The following CASD1 variants were observed in gnomAD, a reference collection of about 807,000 sequenced individuals.
The protein encoded by CASD1 is N-acetylneuraminate (7)9-O-acetyltransferase.
A neutral mutation model predicts 100.0 loss-of-function variants in CASD1; 41 were observed. The ratio of observed to expected loss-of-function variants is 0.41; its 90% CI spans 0.32 to 0.53. The LOEUF (loss-of-function observed/expected upper bound fraction) is 0.53. Ranked by LOEUF, CASD1 falls within the 20% of genes least tolerant of loss-of-function variation. The pLI is 0.25. For synonymous variants in CASD1, 321 were observed against 315.6 expected, an observed-to-expected ratio of 1.02 and a Z score of -0.18; for missense variants, 774 against 948.7, an observed-to-expected ratio of 0.82 and a Z score of 2.42.
the CASD1 span, among the ~76,000 whole-genome samples, chr7:94,607,235 A>T: frequency 3.3e-5 from 5 of 152,206 alleles, 1 homozygote; most frequent in South Asian, 6.2e-4. Context: ...GGGAGAAATT[A>T]TGCCAACTCT....
At chr7:94,539,324 A>T (rs1380812951) in intron 10 of CASD1, among the ~76,000 whole-genome samples, 1 of 152,192 alleles carries the variant, frequency 6.6e-6, no homozygotes. Context: ...CTGATATCTA[A>T]GGGTATTATT....
At chr7:94,607,029 A>G in the CASD1 span, among the ~76,000 whole-genome samples, 7 of 151,712 alleles carry the variant, frequency 4.6e-5, no homozygotes, top group East Asian at 1.9e-4. Context: ...TCTAAAATCA[A>G]TAATTGAAAC....
At chr7:94,569,778 A>G in the CASD1 span, among the ~76,000 whole-genome samples, 12 of 149,842 alleles carry the variant, frequency 8.0e-5, no homozygotes, top group Admixed American at 7.3e-4. Flanking sequence ...ATATCGTTGT[A>G]TCATTAAAAA....
chr7:94,512,693 C>T (rs752826447), intron 1 of CASD1, among the ~76,000 whole-genome samples: 8 of 152,202 alleles, frequency 5.3e-5, no homozygotes, highest in Non-Finnish European at 7.3e-5. Context: ...TCACTCCTCT[C>T]CACTATTTTT....
intron 1 of CASD1, among the ~76,000 whole-genome samples, chr7:94,510,911 G>A (rs1178370917): frequency 6.6e-6 from 1 of 152,260 alleles, no homozygotes; most frequent in South Asian, 2.1e-4. Flanking sequence ...TTTTTGGAAG[G>A]AAGTTGTGGG....
chr7:94,583,594 A>G, the CASD1 span, among the ~76,000 whole-genome samples: 1 of 152,226 alleles, frequency 6.6e-6, no homozygotes, highest in Non-Finnish European at 1.5e-5. Context: ...TGTCATGTGT[A>G]TGGGTAAATA....
rs751286091 is a variant in CASD1 at position 94,537,658 on chromosome 7, T to C, written c.1030T>C (p.Cys344Arg). Residue 344 changes from cysteine (C) to arginine (R), a missense_variant, in exon 9 of 18, where the codon TGT (cysteine) becomes CGT (arginine). Cys to Arg is a radical substitution (Grantham distance 180). Around this residue, in one of 5 missense-constraint regions of CASD1, gnomAD observed 453 missense variants for 532.6 expected, o/e 0.85. Transcript: ENST00000297273. Reference sequence around the variant, plus strand: ...TAATGCTCATCGGAAGAATAAGCCGTGTACTGATTTGGAAAGTGGAGAGGA... The same window carrying C: ...TAATGCTCATCGGAAGAATAAGCCGCGTACTGATTTGGAAAGTGGAGAGGA... ...HRNAHRKNKP[C>R]TDLESGEEKK... is the part of the protein sequence containing the mutation. 15 of 1,613,878 alleles carry C rather than the reference T, an allele frequency of 9.3e-6. No homozygotes were observed. The highest frequency in any genetic ancestry group is 1.3e-5 in the Non-Finnish European group (15 of 1,179,844).
chr7:94,598,524 A>G, the CASD1 span: 1 of 458,356 alleles, frequency 2.2e-6, no homozygotes, highest in South Asian at 2.6e-5. Flanking sequence ...GTTTAATATC[A>G]GTGTCAATTT....
chr7:94,588,576 G>C, the CASD1 span: 1 of 1,541,720 alleles, frequency 6.5e-7, no homozygotes, highest in Admixed American at 1.8e-5. Flanking sequence ...AATGACACAA[G>C]TGTTTTGCCT....
At chr7:94,572,391 G>A in the CASD1 span, among the ~76,000 whole-genome samples, 1 of 152,064 alleles carries the variant, frequency 6.6e-6, no homozygotes, top group Non-Finnish European at 1.5e-5. Flanking sequence ...CATATAGTTG[G>A]ATTATGTTTT....
At chr7:94,590,654 C>T in the CASD1 span, 2 of 152,070 alleles carry the variant, frequency 1.3e-5, no homozygotes, top group African/African-American at 4.8e-5. Flanking sequence ...CACTGGGATT[C>T]CTCTTAATTG....
At chr7:94,517,242 A>T (rs77237806) in intron 1 of CASD1, among the ~76,000 whole-genome samples, 1 of 152,138 alleles carries the variant, frequency 6.6e-6, no homozygotes, top group East Asian at 1.9e-4. Flanking sequence ...AGTAGGGGAG[A>T]TATTCAGATG....
the CASD1 span, among the ~76,000 whole-genome samples, chr7:94,582,756 G>A: frequency 7.9e-5 from 12 of 152,218 alleles, no homozygotes; most frequent in African/African-American, 2.9e-4. Context: ...TTCCCTTATA[G>A]CATTTATCAC....
chr7:94,623,814 T>C, the CASD1 span: 4 of 370,056 alleles, frequency 1.1e-5, no homozygotes, highest in East Asian at 1.6e-4. Flanking sequence ...AAAACAAGCA[T>C]ATCTTTGTGT....
chr7:94,541,158 A>C (rs1245182761), intron 10 of CASD1, among the ~76,000 whole-genome samples: 1 of 152,094 alleles, frequency 6.6e-6, no homozygotes, highest in African/African-American at 2.4e-5. Flanking sequence ...TGTTGTAGTT[A>C]AAAAATTTCC....
chr7:94,541,669 C>A (rs1490289735), intron 10 of CASD1, among the ~76,000 whole-genome samples: 1 of 146,874 alleles, frequency 6.8e-6, no homozygotes, highest in Non-Finnish European at 1.5e-5. Context: ...GTCAAACTAG[C>A]TATTAACTCT....
the CASD1 span, among the ~76,000 whole-genome samples, chr7:94,581,444 T>C: frequency 6.6e-6 from 1 of 152,152 alleles, no homozygotes; most frequent in Non-Finnish European, 1.5e-5. Context: ...ACGTGTGCCA[T>C]ATGGTTTGCT....
the CASD1 span, chr7:94,587,868 C>T: frequency 6.6e-7 from 1 of 1,522,326 alleles, no homozygotes; most frequent in East Asian, 2.6e-5. Context: ...AAACATCCAA[C>T]ACATTTCTGA....
At chr7:94,545,979 G>A (rs1017882098) in intron 12 of CASD1, among the ~76,000 whole-genome samples, 1 of 151,786 alleles carries the variant, frequency 6.6e-6, no homozygotes, top group African/African-American at 2.4e-5. Flanking sequence ...ATTAACTAAT[G>A]CTACAGTTTT....
Sources: allele counts gnomAD v4.1 joint callset (sites outside exome capture counted in the v4.1 genomes callset), GRCh38; gene constraint gnomAD v4.1.1; regional missense constraint gnomAD v4.1.1; transcripts MANE v1.5; gene names NCBI Gene and HGNC (gene_info 2026-07-23, HGNC 2026-07-21).